Variants in ERMAP observed in about 807,000 individuals in gnomAD.
The protein encoded by ERMAP is erythroid membrane-associated protein.
ERMAP carries 34 observed loss-of-function variants against 49.5 expected under a neutral mutation model. That is an observed-to-expected ratio of 0.69 (90% CI 0.52 to 0.91). ERMAP has a LOEUF of 0.91. Ranked by LOEUF, ERMAP falls within the 40% of genes least tolerant of loss-of-function variation. The pLI is 0.00. For synonymous variants in ERMAP, 214 were observed against 232.2 expected, an observed-to-expected ratio of 0.92 and a Z score of 0.71; for missense variants, 541 against 582.6, an observed-to-expected ratio of 0.93 and a Z score of 0.74.
At chr1:42,835,613 G>A (rs540599155) in intron 5 of ERMAP, 119 bp from the exon 6 acceptor site, 20 of 1,326,886 alleles carry the variant, frequency 1.5e-5, no homozygotes, top group Admixed American at 9.7e-5. Context: ...TCAAATGCCC[G>A]CTTACCTGTA....
rs1369944583 is a variant in ERMAP, at chr1:42,830,934, G to A, written c.252G>A (p.Lys84=). The A allele has an allele frequency of 5.0e-6, 8 of 1,614,224 alleles. No homozygotes were observed. Among genetic ancestry groups the A allele is most frequent in the South Asian group, 1.1e-5 (1 of 91,088 alleles). ...CTGTTCACATATTCCGGGATGGGAAGGACCAGGATGAAGATCTGATGCCGG... is the reference window on the plus strand; with the variant it reads ...CTGTTCACATATTCCGGGATGGGAAAGACCAGGATGAAGATCTGATGCCGG... ...SQAVHIFRDG[K]DQDEDLMPEY... The change falls in exon 4 of 12, where the codon AAG becomes AAA. Residue 84 remains lysine (K), a synonymous_variant. Transcript: ENST00000372517.
chr1:42,834,920 C>T, intron 4 of ERMAP, 118 bp from the exon 5 acceptor site: 1 of 684,156 alleles, frequency 1.5e-6, no homozygotes, highest in Non-Finnish European at 2.7e-6. Flanking sequence ...TTGGCCGGAG[C>T]TCTCTCCCTA....
intron 1 of ERMAP, 106 bp downstream of exon 1, chr1:42,817,359 A>G (rs1298841678): frequency 4.1e-6 from 3 of 724,282 alleles, no homozygotes; most frequent in South Asian, 2.9e-5. Flanking sequence ...GCCGAGCGCC[A>G]GGAGGCTTCC....
At chr1:42,824,086 T>G (rs1034565664) in intron 1 of ERMAP, among the ~76,000 whole-genome samples, 1 of 152,130 alleles carries the variant, frequency 6.6e-6, no homozygotes, top group Non-Finnish European at 1.5e-5. Context: ...GGCTCACGCC[T>G]GTAATCCCAG....
intron 1 of ERMAP, among the ~76,000 whole-genome samples, chr1:42,818,498 A>T (rs1654309652): frequency 6.6e-6 from 1 of 152,210 alleles, no homozygotes; most frequent in African/African-American, 2.4e-5. Context: ...TAAAAAATAG[A>T]TGGGGTCTTG....
rs1229890422 is a variant in ERMAP at position 42,825,659 on chromosome 1, T to G, written c.-85T>G. Reference sequence around the variant, plus strand: ...GCGCTTGCCTGCTCCCTGGTCTCTCTGCATGGGGAAGGAGTGTTCCCAGCT... The same window carrying G: ...GCGCTTGCCTGCTCCCTGGTCTCTCGGCATGGGGAAGGAGTGTTCCCAGCT... On this transcript the variant is annotated 5_prime_UTR_variant, in exon 2 of 12. Coordinates refer to ENST00000372517, the MANE Select transcript of ERMAP (RefSeq NM_001017922.2). 5 of 1,289,308 alleles carry G rather than the reference T, an allele frequency of 3.9e-6. No homozygotes were observed. In the East Asian group the frequency reaches 2.8e-4, roughly 71 times the overall value. 79.9% of individuals were successfully genotyped at this position (1,289,308 alleles called of 1,614,324 possible). A position where few individuals can be genotyped will look rare whatever the true frequency, so the allele number is the denominator to read the frequency against.
chr1:42,835,560 C>T (rs1007325769), intron 5 of ERMAP, among the ~76,000 whole-genome samples, 172 bp from the exon 6 acceptor site: 2 of 152,154 alleles, frequency 1.3e-5, no homozygotes, highest in Non-Finnish European at 2.9e-5. Flanking sequence ...TGTAATCCAA[C>T]ACTCCTGCCC....
intron 1 of ERMAP, chr1:42,817,703 G>C (rs752020546): frequency 3.9e-5 from 6 of 152,302 alleles, no homozygotes; most frequent in Non-Finnish European, 7.3e-5. Flanking sequence ...ACAGTGCTTT[G>C]AAAAAGGAAA....
rs372812137 is a variant in ERMAP, at chr1:42,819,253, G to T, written c.-122+2000G>T. ...CGAGAGAGAGAAAGAGCTAGATTAC[G>T]CTTCAAGTGGCAATAGGCAAGAAGA... On this transcript the variant is annotated intron_variant, in intron 1 of 11. Transcript: ENST00000372517. This position sits in a 1 kb window ranked among gnomAD's most constrained non-coding sequence, Gnocchi z 5.1. 1.2e-4 allele frequency among the ~76,000 whole-genome samples: 18 copies of T among 150,830 alleles called. 1 individual carries two copies. The highest frequency in any genetic ancestry group is 1.1e-3 in the Admixed American group (17 of 15,120).
rs1192766585 is a variant in ERMAP, at chr1:42,825,661, C to T, written c.-83C>T. ...GCTTGCCTGCTCCCTGGTCTCTCTGCATGGGGAAGGAGTGTTCCCAGCTTG... is the reference window on the plus strand; with the variant it reads ...GCTTGCCTGCTCCCTGGTCTCTCTGTATGGGGAAGGAGTGTTCCCAGCTTG... On this transcript the variant is annotated 5_prime_UTR_variant, in exon 2 of 12. Coordinates refer to ENST00000372517, the MANE Select transcript of ERMAP (RefSeq NM_001017922.2). 8.5e-6 allele frequency: 11 copies of T among 1,289,390 alleles called. No individual in the cohort carries two copies. Among genetic ancestry groups the T allele is most frequent in the Non-Finnish European group, 1.0e-5 (10 of 988,878 alleles). The allele number at this position is 1,289,390 out of a possible 1,614,324, so 79.9% of individuals were successfully genotyped here.
Position 42,819,763 on chromosome 1 carries a change from C to T in ERMAP, c.-122+2510C>T, listed in dbSNP as rs1160613173. 1.4e-5 allele frequency among the ~76,000 whole-genome samples: 2 copies of T among 145,408 alleles called. No homozygotes were observed. The highest frequency in any genetic ancestry group is 3.0e-5 in the Non-Finnish European group (2 of 65,846). On this transcript the variant is annotated intron_variant, in intron 1 of 11. Coordinates refer to ENST00000372517, the MANE Select transcript of ERMAP (RefSeq NM_001017922.2). The surrounding 1 kb of genome is among the most constrained non-coding windows in gnomAD (Gnocchi z 5.1). The stretch of plus-strand genomic sequence containing the variant: ...TGTGAACCAGGTCATTTACCAGTGT[C>T]TTTTTTTTTTTTCTTGGCAGCATCC...
At chr1:42,833,041 T>C (rs1455894950) in intron 4 of ERMAP, among the ~76,000 whole-genome samples, 1 of 152,212 alleles carries the variant, frequency 6.6e-6, no homozygotes, top group Non-Finnish European at 1.5e-5. Context: ...TAGCAGTGTC[T>C]AGCAGAGTCA....
intron 4 of ERMAP, among the ~76,000 whole-genome samples, chr1:42,834,192 G>T (rs567021378): frequency 1.3e-5 from 2 of 152,172 alleles, no homozygotes; most frequent in Non-Finnish European, 2.9e-5. Context: ...GCTTCTGCTC[G>T]TTTCCTCTCC....
At chr1:42,830,407 T>C in intron 2 of ERMAP, 37 bp from the exon 3 acceptor site, 2 of 1,593,880 alleles carry the variant, frequency 1.3e-6, no homozygotes, top group Non-Finnish European at 1.7e-6. Context: ...GCCAAGCCCA[T>C]CAGCCCGCTT....
intron 4 of ERMAP, among the ~76,000 whole-genome samples, chr1:42,832,670 A>G (rs2124325791): frequency 6.6e-6 from 1 of 152,294 alleles, no homozygotes; most frequent in Non-Finnish European, 1.5e-5. Flanking sequence ...CCCAGCTGAA[A>G]AGTAATTTTT....
At chr1:42,825,990 G>T (rs186003254) in intron 2 of ERMAP, among the ~76,000 whole-genome samples, 1 of 152,268 alleles carries the variant, frequency 6.6e-6, no homozygotes, top group East Asian at 1.9e-4. Context: ...CATTTATTTA[G>T]CTCTTACTAT....
At chr1:42,820,902 A>T (rs1654387967) in intron 1 of ERMAP, among the ~76,000 whole-genome samples, 2 of 152,174 alleles carry the variant, frequency 1.3e-5, no homozygotes, top group African/African-American at 4.8e-5. Flanking sequence ...AGTATTTTGC[A>T]TGTTTTAGCT....
chr1:42,825,827 T>C, intron 2 of ERMAP, 89 bp downstream of exon 2: 1 of 1,246,282 alleles, frequency 8.0e-7, no homozygotes, highest in Non-Finnish European at 1.0e-6. Context: ...CCCTTTCTCC[T>C]TACGCACAAG....
In ERMAP at chr1:42,817,168, C is replaced by G. The variant is rs1654244274; in HGVS notation, c.-207C>G. On this transcript the variant is annotated 5_prime_UTR_variant, in exon 1 of 12. Coordinates refer to ENST00000372517, the MANE Select transcript of ERMAP (RefSeq NM_001017922.2). Reference sequence around the variant, plus strand: ...AATGGCGGTCGCTGGAGCCGCCGACCAAGAGGCTTGGGAGTCTGTACCTTT... The same window carrying G: ...AATGGCGGTCGCTGGAGCCGCCGACGAAGAGGCTTGGGAGTCTGTACCTTT... The G allele has an allele frequency of 8.3e-7, 1 of 1,211,670 alleles. No homozygotes were observed. The highest frequency in any genetic ancestry group is 2.8e-5 in the Admixed American group (1 of 35,458). The allele number at this position is 1,211,670 out of a possible 1,614,324, so 75.1% of individuals were successfully genotyped here. A position where few individuals can be genotyped will look rare whatever the true frequency, so the allele number is the denominator to read the frequency against.
Sources: gnomAD v4.1 joint callset for allele counts (sites outside exome capture counted in the v4.1 genomes callset) on GRCh38, gnomAD v4.1.1 for gene constraint, Gnocchi (gnomAD v3.1) non-coding constraint, MANE v1.5 for transcripts, NCBI Gene and HGNC (gene_info 2026-07-23, HGNC 2026-07-21) for gene names.